The following GRIN2B variants were observed in gnomAD, a reference collection of about 807,000 sequenced individuals.
The protein encoded by GRIN2B is glutamate receptor ionotropic, NMDA 2B.
Under a neutral mutation model 114.5 loss-of-function variants are expected in GRIN2B, and 5 were observed. The ratio of observed to expected loss-of-function variants is 0.04; its 90% CI spans 0.02 to 0.09. The LOEUF (loss-of-function observed/expected upper bound fraction) is 0.09. Among genes scored for constraint, GRIN2B ranks in the 10% least tolerant of loss-of-function variants. GRIN2B has a pLI of 1.00. For synonymous variants in GRIN2B, 787 were observed against 745.1 expected, an observed-to-expected ratio of 1.06 and a Z score of -0.92; for missense variants, 1,108 against 1,943.5, an observed-to-expected ratio of 0.57 and a Z score of 8.08.
intron 5 of GRIN2B, among the ~76,000 whole-genome samples, chr12:13,664,652 T>G (rs189359485): frequency 1.3e-5 from 2 of 152,312 alleles, no homozygotes; most frequent in East Asian, 1.9e-4. Flanking sequence ...GTGTTCTTAT[T>G]GTTGAATTTT....
intron 5 of GRIN2B, among the ~76,000 whole-genome samples, chr12:13,619,899 A>G (rs1052983443): frequency 2.6e-5 from 4 of 152,214 alleles, no homozygotes; most frequent in Admixed American, 6.5e-5. Flanking sequence ...TTCTCTGACA[A>G]TGAAGGAGTA....
chr12:13,875,484 G>A (rs564369281), intron 2 of GRIN2B, among the ~76,000 whole-genome samples: 35 of 152,210 alleles, frequency 2.3e-4, no homozygotes, highest in Non-Finnish European at 3.4e-4. Context: ...CTGAGATGTC[G>A]CCACTGCACT....
intron 5 of GRIN2B, among the ~76,000 whole-genome samples, chr12:13,656,280 A>G (rs1210630969): frequency 6.6e-6 from 1 of 152,234 alleles, no homozygotes; most frequent in African/African-American, 2.4e-5. Flanking sequence ...GATTACAGAG[A>G]AAGAGACAAA....
chr12:13,977,766 TTCC>T (rs1863052912), intron 2 of GRIN2B, among the ~76,000 whole-genome samples: 1 of 152,152 alleles, frequency 6.6e-6, no homozygotes, highest in African/African-American at 2.4e-5. Flanking sequence ...GAACACCTGC[TTCC>T]TCATCAGGGT....
At chr12:13,839,926 G>A (rs141503518) in intron 3 of GRIN2B, among the ~76,000 whole-genome samples, 28 of 152,164 alleles carry the variant, frequency 1.8e-4, no homozygotes, top group South Asian at 1.5e-3. Flanking sequence ...TAGAAAATAC[G>A]CATATGCATG....
At chr12:13,968,690 AT>A in intron 2 of GRIN2B, among the ~76,000 whole-genome samples, 1 of 152,320 alleles carries the variant, frequency 6.6e-6, no homozygotes, top group East Asian at 1.9e-4. Context: ...TTTTATATTT[AT>A]TTTCTATAAA....
At chr12:13,806,343 G>A (rs573392309) in intron 3 of GRIN2B, among the ~76,000 whole-genome samples, 2 of 152,034 alleles carry the variant, frequency 1.3e-5, no homozygotes, top group South Asian at 2.1e-4. Context: ...TCTCACCCAC[G>A]GTGTGCAAGT....
chr12:13,618,786 T>G (rs985891202), intron 5 of GRIN2B, among the ~76,000 whole-genome samples: 1 of 152,210 alleles, frequency 6.6e-6, no homozygotes, highest in South Asian at 2.1e-4. Context: ...GTTGTTGGTA[T>G]TAAGAGCTAA....
At chr12:13,611,697 G>T (rs199836197) in intron 9 of GRIN2B, 28 bp downstream of exon 9, 182 of 1,610,560 alleles carry the variant, frequency 1.1e-4, no homozygotes, top group Non-Finnish European at 1.5e-4. Context: ...AAAAACTGGG[G>T]AAGTGCAGCG....
At chr12:13,576,520 G>T (rs545836316) in intron 10 of GRIN2B, among the ~76,000 whole-genome samples, 6 of 151,878 alleles carry the variant, frequency 4.0e-5, no homozygotes, top group Admixed American at 3.9e-4. Context: ...AGGGAAATGT[G>T]TATAGTACTC....
intron 3 of GRIN2B, among the ~76,000 whole-genome samples, chr12:13,825,025 T>G (rs1364015109): frequency 6.6e-6 from 1 of 152,144 alleles, no homozygotes; most frequent in Non-Finnish European, 1.5e-5. Context: ...AGATCATTGA[T>G]TGTTTATCTT....
intron 3 of GRIN2B, among the ~76,000 whole-genome samples, chr12:13,838,966 C>T (rs999292981): frequency 5.3e-5 from 8 of 152,204 alleles, no homozygotes; most frequent in African/African-American, 1.7e-4. Context: ...CACCAGGGAG[C>T]TCATCAGATA....
At chr12:13,804,157 C>CTTTTTTTTTTTTTTTTTT (rs10626018) in intron 3 of GRIN2B, among the ~76,000 whole-genome samples, 1 of 143,458 alleles carries the variant, frequency 7.0e-6, no homozygotes, top group Non-Finnish European at 1.5e-5. Flanking sequence ...CTGCAGCTCT[C>CTTTTTTTTTTTTTTTTTT]TTTTTTTTTT....
At chr12:13,603,900 C>T (rs1469975550) in intron 10 of GRIN2B, among the ~76,000 whole-genome samples, 2 of 151,846 alleles carry the variant, frequency 1.3e-5, no homozygotes, top group East Asian at 3.9e-4. Context: ...ACTAGTTTTC[C>T]AGAGTCTCGG....
chr12:13,596,014 A>C (rs1242821612), intron 10 of GRIN2B, among the ~76,000 whole-genome samples: 7 of 149,530 alleles, frequency 4.7e-5, no homozygotes, highest in African/African-American at 7.4e-5. Context: ...GTTCAAGTGC[A>C]TTTTTTTTCT....
chr12:13,762,671 TAC>T (rs936067103), intron 3 of GRIN2B, among the ~76,000 whole-genome samples: 4 of 152,206 alleles, frequency 2.6e-5, no homozygotes, highest in African/African-American at 9.6e-5. Flanking sequence ...TGGTTCTAGA[TAC>T]AGTGATCTTG....
intron 3 of GRIN2B, among the ~76,000 whole-genome samples, chr12:13,781,383 T>A (rs1028859935): frequency 2.0e-5 from 3 of 152,222 alleles, no homozygotes; most frequent in African/African-American, 7.2e-5. Context: ...GAAACCCGGC[T>A]GTCAAACAGC....
chr12:13,968,910 G>C (rs1867833166), intron 2 of GRIN2B, among the ~76,000 whole-genome samples: 1 of 152,230 alleles, frequency 6.6e-6, no homozygotes, highest in South Asian at 2.1e-4. Context: ...GAAAGAAATA[G>C]ATGCAAGAAA....
chr12:13,579,490 CCAGT>C (rs1459343935), intron 10 of GRIN2B, among the ~76,000 whole-genome samples: 1 of 152,184 alleles, frequency 6.6e-6, no homozygotes, highest in African/African-American at 2.4e-5. Context: ...AAGTATTCAA[CCAGT>C]CAATCTGGGC....
Sources: gnomAD v4.1 joint callset for allele counts (sites outside exome capture counted in the v4.1 genomes callset) on GRCh38, gnomAD v4.1.1 for gene constraint, MANE v1.5 for transcripts, NCBI Gene and HGNC (gene_info 2026-07-23, HGNC 2026-07-21) for gene names.